LMO7: variants seen among roughly 807,000 people sequenced by gnomAD.
LMO7 encodes LIM domain 7.
Under a neutral mutation model 206.5 loss-of-function variants are expected in LMO7, and 120 were observed. The observed-to-expected ratio is 0.58, with a 90% confidence interval of 0.50 to 0.68. LMO7 has a LOEUF of 0.68. Among genes scored for constraint, LMO7 ranks in the 30% least tolerant of loss-of-function variants. The pLI, the probability that LMO7 is intolerant of heterozygous loss-of-function variation, is 0.00. For missense variants in LMO7, 1,959 were observed against 1,957.9 expected (o/e 1.00, Z -0.01); for synonymous variants, 706 against 681.5 (o/e 1.04, Z -0.56).
At chr13:75,826,068 T>C (rs2058086702) in intron 15 of LMO7, among the ~76,000 whole-genome samples, 1 of 152,010 alleles carries the variant, frequency 6.6e-6, no homozygotes, top group South Asian at 2.1e-4. Context: ...TTAGATAGGG[T>C]CTTGCTCTGT....
intron 1 of LMO7, among the ~76,000 whole-genome samples, chr13:75,650,710 C>A (rs1007687476): frequency 3.9e-5 from 6 of 152,132 alleles, no homozygotes; most frequent in African/African-American, 1.4e-4. Flanking sequence ...TAAGTTTCTT[C>A]TTTTCAAATA....
intron 15 of LMO7, among the ~76,000 whole-genome samples, chr13:75,828,874 G>A (rs527584228): frequency 2.0e-5 from 3 of 152,230 alleles, no homozygotes; most frequent in Admixed American, 1.3e-4. Context: ...AAGTGTGTAG[G>A]GTGGAGAGTA....
intron 1 of LMO7, among the ~76,000 whole-genome samples, chr13:75,653,479 T>C (rs2037769346): frequency 6.6e-6 from 1 of 152,260 alleles, no homozygotes; most frequent in South Asian, 2.1e-4. Flanking sequence ...TGCCAAACCA[T>C]ACAGCACCAA....
chr13:75,645,636 G>T (rs147769540), intron 1 of LMO7, among the ~76,000 whole-genome samples: 1 of 152,180 alleles, frequency 6.6e-6, no homozygotes, highest in Non-Finnish European at 1.5e-5. Context: ...ATAAGCAAAC[G>T]TATTGCCTCT....
chr13:75,624,800 C>T (rs1355210076), intron 2 of LMO7, among the ~76,000 whole-genome samples: 2 of 152,178 alleles, frequency 1.3e-5, no homozygotes, highest in Non-Finnish European at 2.9e-5. Flanking sequence ...TACCTCCCAC[C>T]AGGTTCCTCC....
At chr13:75,652,614 AGTGTGT>A (rs59671117) in intron 1 of LMO7, among the ~76,000 whole-genome samples, 2,873 of 137,906 alleles carry the variant, frequency 0.021, 59 homozygotes, top group African/African-American at 0.067. Context: ...CCACAAGTTC[AGTGTGT>A]GTGTGTGTGT....
At chr13:75,778,916 G>C (rs1368280901) in intron 4 of LMO7, among the ~76,000 whole-genome samples, 2 of 152,172 alleles carry the variant, frequency 1.3e-5, no homozygotes, top group East Asian at 3.9e-4. Flanking sequence ...GGTCCTGGAG[G>C]CATCTCTGTG....
At chr13:75,798,416 G>A (rs2140876583) in intron 6 of LMO7, among the ~76,000 whole-genome samples, 1 of 152,292 alleles carries the variant, frequency 6.6e-6, no homozygotes, top group East Asian at 1.9e-4. Flanking sequence ...TGTCTTTGTA[G>A]CCTTTGGTCC....
intron 1 of LMO7, among the ~76,000 whole-genome samples, chr13:75,685,361 G>A (rs2040883564): frequency 6.6e-6 from 1 of 152,196 alleles, no homozygotes. Flanking sequence ...TCTGGCTAGA[G>A]TTGACTCATG....
At chr13:75,770,208 G>C (rs1032628516) in intron 4 of LMO7, among the ~76,000 whole-genome samples, 6 of 151,336 alleles carry the variant, frequency 4.0e-5, no homozygotes, top group South Asian at 2.1e-4. Context: ...GAAGGGGCCT[G>C]GTCCATGTCC....
At position 75,821,403 on chromosome 13, in the gene LMO7, C is replaced by T. The variant is rs2057560218; in HGVS notation, c.2434C>T (p.Pro812Ser). 6.2e-7 allele frequency: 1 copy of T among 1,614,160 alleles called. No individual in the cohort carries two copies. Among genetic ancestry groups the T allele is most frequent in the Non-Finnish European group, 8.5e-7 (1 of 1,180,000 alleles). ...CCGTGTAACAACTGAAATTCAGCTT[C>T]CTTCTCAAAGTCCTGTGGAAGAACA... ...EDRVTTEIQLPSQSPVEEQSP... is the reference protein window; with the variant it reads ...EDRVTTEIQLSSQSPVEEQSP... Residue 812 changes from proline to serine, a missense_variant, in exon 14 of 31, where the codon CCT (proline) becomes TCT (serine). By Grantham distance (74) the Pro-to-Ser change is moderately conservative (BLOSUM62 -1). Transcript: ENST00000377534.
At chr13:75,679,349 C>T (rs1051948039) in intron 1 of LMO7, among the ~76,000 whole-genome samples, 23 of 152,276 alleles carry the variant, frequency 1.5e-4, no homozygotes, top group African/African-American at 3.1e-4. Flanking sequence ...AGGCTGAGAG[C>T]GGCAGTTCCA....
chr13:75,760,590 G>C (rs1265778548), intron 3 of LMO7: 5 of 1,365,700 alleles, frequency 3.7e-6, no homozygotes, highest in Admixed American at 3.2e-5. Context: ...CTGGAAAGAG[G>C]GCGTTTGTTT....
chr13:75,681,112 G>T (rs2040447968), intron 1 of LMO7, among the ~76,000 whole-genome samples: 1 of 152,002 alleles, frequency 6.6e-6, no homozygotes, highest in South Asian at 2.1e-4. Context: ...TCTGTAGGTT[G>T]TCTGTTCACT....
rs1365561409 is a variant in LMO7 at position 75,804,489 on chromosome 13, A to C, written c.862A>C (p.Arg288=). ...KKKPDKHEDN[R]RSWASPVYTE... ...AAAGCCAGACAAACATGAGGATAAC[A>C]GAAGAAGTTGGGCAAGCCCGGTTTA... The change falls in exon 8 of 31, where the codon AGA becomes CGA. Residue 288 remains arginine, a synonymous_variant. Coordinates refer to ENST00000377534, the MANE Select transcript of LMO7 (RefSeq NM_001306080.2). 1 of 1,614,056 alleles carries C rather than the reference A, an allele frequency of 6.2e-7. No homozygotes were observed. The highest frequency in any genetic ancestry group is 1.3e-5 in the African/African-American group (1 of 74,926).
In LMO7 at chr13:75,857,915, G is replaced by T. The variant is rs17065160; in HGVS notation, c.4874-6G>T. 1.3e-6 allele frequency: 2 copies of T among 1,590,898 alleles called. No individual in the cohort carries two copies. The highest frequency in any genetic ancestry group is 2.3e-5 in the East Asian group (1 of 44,000). The stretch of plus-strand genomic sequence containing the variant: ...ACTTTTCTTTCTTTTCTCCTTGCCC[G>T]ATCAGCTGGACGGCCAACCGCCATG... On this transcript the variant is annotated splice_polypyrimidine_tract_variant and splice_region_variant and intron_variant, in intron 30 of 30. Coordinates refer to ENST00000377534, the MANE Select transcript of LMO7 (RefSeq NM_001306080.2).
intron 1 of LMO7, among the ~76,000 whole-genome samples, chr13:75,643,237 C>G (rs576904779): frequency 1.3e-5 from 2 of 152,322 alleles, no homozygotes; most frequent in African/African-American, 4.8e-5. Flanking sequence ...TTCACCTTCC[C>G]TCTTCCTGTT....
chr13:75,778,538 G>A (rs566853164), intron 4 of LMO7, among the ~76,000 whole-genome samples: 1 of 152,356 alleles, frequency 6.6e-6, no homozygotes, highest in African/African-American at 2.4e-5. Context: ...GGCCAATCGA[G>A]TGCCTTTTAA....
chr13:75,713,296 ATG>A (rs3837544), intron 2 of LMO7, 44 bp downstream of exon 2: 476,248 of 1,336,574 alleles, frequency 0.36, 92,941 homozygotes, highest in East Asian at 0.63. Context: ...AAGCAAAGAT[ATG>A]TGTGTGTGTG....
Sources: gnomAD v4.1 joint callset for allele counts (sites outside exome capture counted in the v4.1 genomes callset) on GRCh38, gnomAD v4.1.1 for gene constraint, MANE v1.5 for transcripts, NCBI Gene and HGNC (gene_info 2026-07-23, HGNC 2026-07-21) for gene names.